The following SYNE2 variants were observed in gnomAD, a reference collection of about 807,000 sequenced individuals.
SYNE2 encodes nesprin-2.
SYNE2 carries 431 observed loss-of-function variants against 856.3 expected under a neutral mutation model. That is an observed-to-expected ratio of 0.50 (90% CI 0.47 to 0.55). The LOEUF (loss-of-function observed/expected upper bound fraction) is 0.55. SYNE2 is among the 20% of genes least tolerant of loss of function. The pLI is 0.00. For synonymous variants in SYNE2, 2,923 were observed against 2,872.3 expected, an observed-to-expected ratio of 1.02 and a Z score of -0.56; for missense variants, 8,129 against 8,023.2, an observed-to-expected ratio of 1.01 and a Z score of -0.50.
At position 64,056,139 on chromosome 14, in the gene SYNE2, A is replaced by G; in HGVS notation, c.9940A>G (p.Thr3314Ala). The G allele has an allele frequency of 6.2e-7, 1 of 1,614,174 alleles. No individual in the cohort carries two copies. The highest frequency in any genetic ancestry group is 8.5e-7 in the Non-Finnish European group (1 of 1,180,010). Residue 3314 changes from threonine (T) to alanine (A), a missense_variant, in exon 49 of 116, where the codon ACT (threonine) becomes GCT (alanine). This residue lies in a region of SYNE2 where 5,410 missense variants were observed against 5,284.8 expected (regional missense o/e 1.02). Coordinates refer to ENST00000555002, the MANE Select transcript of SYNE2 (RefSeq NM_182914.3). The stretch of plus-strand genomic sequence containing the variant: ...CACAGTAGCACACATCCAGGACCTC[A>G]CTGAGAAACTGGGAATGATATCCAG... ...ESTVAHIQDL[T>A]EKLGMISSPE...
intron 7 of SYNE2, among the ~76,000 whole-genome samples, chr14:63,950,847 G>C (rs2096142508): frequency 6.6e-6 from 1 of 152,088 alleles, no homozygotes; most frequent in Admixed American, 6.6e-5. Context: ...TGTAGAGATG[G>C]GGTTTTGCCG....
chr14:64,187,499 A>G (rs949088047), intron 97 of SYNE2, among the ~76,000 whole-genome samples: 3 of 152,216 alleles, frequency 2.0e-5, no homozygotes, highest in African/African-American at 7.2e-5. Flanking sequence ...CAGAATGACA[A>G]TGTGCAAAAT....
At chr14:64,129,248 AG>A (rs1234854149) in intron 74 of SYNE2, among the ~76,000 whole-genome samples, 1 of 152,230 alleles carries the variant, frequency 6.6e-6, no homozygotes, top group Non-Finnish European at 1.5e-5. Context: ...CGGAGGTTGC[AG>A]TGAACTGAGA....
rs201443135 is a variant in SYNE2, at chr14:64,052,786, A to C, written c.8873A>C (p.Glu2958Ala). The change falls in exon 48 of 116, where the codon GAG (glutamate) becomes GCG (alanine). Residue 2958 changes from glutamate to alanine, a missense_variant. By Grantham distance (107) the Glu-to-Ala change is moderately radical (BLOSUM62 -1). This residue lies in a region of SYNE2 where 5,410 missense variants were observed against 5,284.8 expected (regional missense o/e 1.02). Coordinates refer to ENST00000555002, the MANE Select transcript of SYNE2 (RefSeq NM_182914.3). ...GAAAAAACATCAGCGCTTCAGGAGG[A>C]GGCTGACAGTATACAGCGCAATGAA... ...FHEKTSALQE[E>A]ADSIQRNELL... 6.2e-7 allele frequency: 1 copy of C among 1,612,408 alleles called. No individual in the cohort carries two copies. The highest frequency in any genetic ancestry group is 1.7e-4 in the Middle Eastern group (1 of 6,054).
chr14:64,015,626 A>G (rs976366714), intron 32 of SYNE2, among the ~76,000 whole-genome samples: 1 of 152,032 alleles, frequency 6.6e-6, no homozygotes, highest in African/African-American at 2.4e-5. Context: ...GATCTTTTAA[A>G]AGAACTAGCT....
At chr14:64,006,902 C>T in intron 30 of SYNE2, 141 bp from the exon 31 acceptor site, 1 of 694,160 alleles carries the variant, frequency 1.4e-6, no homozygotes, top group East Asian at 2.6e-5. Context: ...GCCTCCTGAA[C>T]TCTGTAACAG....
Position 64,096,665 on chromosome 14 carries a change from G to A in SYNE2, c.12109-1284G>A, listed in dbSNP as rs115703723. 5.6e-3 allele frequency among the ~76,000 whole-genome samples: 860 copies of A among 152,340 alleles called. 12 individuals carry two copies. Among genetic ancestry groups the A allele is most frequent in the African/African-American group, 0.02 (837 of 41,578 alleles). Reference sequence around the variant, plus strand: ...AATTTTGACTTCAGACAGAATAGGGGTATTGGCATAGAAATGTGTGCAGTA... The same window carrying A: ...AATTTTGACTTCAGACAGAATAGGGATATTGGCATAGAAATGTGTGCAGTA... On this transcript the variant is annotated intron_variant, in intron 61 of 115. Transcript: ENST00000555002.
chr14:64,115,929 G>A (rs1200507295), intron 66 of SYNE2, among the ~76,000 whole-genome samples: 2 of 152,160 alleles, frequency 1.3e-5, no homozygotes, highest in Non-Finnish European at 2.9e-5. Context: ...CAAGGCGGGT[G>A]GATTGCTTGA....
At chr14:63,997,279 T>C in intron 24 of SYNE2, 22 bp from the exon 25 acceptor site, 1 of 1,606,032 alleles carries the variant, frequency 6.2e-7, no homozygotes, top group East Asian at 2.2e-5. Flanking sequence ...CTTTTAAACA[T>C]GCAATTTTGA....
chr14:63,769,437 A>G (rs750098358), intron 1 of SYNE2, among the ~76,000 whole-genome samples: 4 of 152,104 alleles, frequency 2.6e-5, no homozygotes, highest in Non-Finnish European at 5.9e-5. Context: ...GGAGGCCGAG[A>G]CAGGCAGATC....
At chr14:64,166,932 CGAAAAAT>C (rs2153722673) in intron 90 of SYNE2, 1 of 380,298 alleles carries the variant, frequency 2.6e-6, no homozygotes, top group African/African-American at 2.1e-5. Flanking sequence ...GACTCCATTC[CGAAAAAT>C]AAAAAATAAA....
chr14:63,922,300 C>T (rs1253226109), intron 2 of SYNE2, among the ~76,000 whole-genome samples: 2 of 152,210 alleles, frequency 1.3e-5, no homozygotes, highest in Non-Finnish European at 2.9e-5. Context: ...CCCCCAGACC[C>T]AGCTTAGATG....
At chr14:64,215,137 A>C (rs2098659976) in intron 106 of SYNE2, 149 bp from the exon 107 acceptor site, 1 of 789,350 alleles carries the variant, frequency 1.3e-6, no homozygotes, top group African/African-American at 1.7e-5. Flanking sequence ...GCTGGAAAAA[A>C]AAATCTTTCT....
intron 29 of SYNE2, 94 bp downstream of exon 29, chr14:64,002,175 T>G (rs926751750): frequency 1.8e-6 from 2 of 1,088,818 alleles, no homozygotes; most frequent in Non-Finnish European, 2.8e-6. Context: ...CATGATAGCA[T>G]AGATTAAGAG....
intron 85 of SYNE2, among the ~76,000 whole-genome samples, chr14:64,154,397 A>G (rs1316143086): frequency 6.6e-6 from 1 of 152,132 alleles, no homozygotes; most frequent in Admixed American, 6.5e-5. Context: ...CAAATTGTTA[A>G]AAAAAGTATT....
intron 1 of SYNE2, among the ~76,000 whole-genome samples, chr14:63,856,432 C>A (rs1382648027): frequency 2.0e-5 from 3 of 152,144 alleles, no homozygotes; most frequent in African/African-American, 7.2e-5. Flanking sequence ...AGCTGTTAGT[C>A]TAGTGGGAAG....
At chr14:63,945,025 C>G (rs1361394896) in intron 6 of SYNE2, among the ~76,000 whole-genome samples, 1 of 149,394 alleles carries the variant, frequency 6.7e-6, no homozygotes, top group African/African-American at 2.5e-5. Flanking sequence ...CCAGGCTAGC[C>G]TTGAACTCCT....
intron 1 of SYNE2, among the ~76,000 whole-genome samples, chr14:63,882,289 A>G (rs534681136): frequency 1.3e-5 from 2 of 152,198 alleles, no homozygotes; most frequent in Non-Finnish European, 2.9e-5. Flanking sequence ...AGAGATGAGT[A>G]TAGTAATTGA....
chr14:63,841,957 C>T (rs1168172406), intron 1 of SYNE2, among the ~76,000 whole-genome samples: 6 of 150,690 alleles, frequency 4.0e-5, no homozygotes, highest in Admixed American at 6.6e-5. Flanking sequence ...CTCAGCCTTC[C>T]GAGTAGCTGG....
Sources: gnomAD v4.1 joint callset for allele counts (sites outside exome capture counted in the v4.1 genomes callset) on GRCh38, gnomAD v4.1.1 for gene constraint, gnomAD v4.1.1 regional missense constraint, MANE v1.5 for transcripts, NCBI Gene and HGNC (gene_info 2026-07-23, HGNC 2026-07-21) for gene names.